CHD9: variants seen among roughly 807,000 people sequenced by gnomAD.
The protein encoded by CHD9 is ATP-dependent chromatin remodeler CHD9.
In CHD9, 77 loss-of-function variants were observed where a neutral mutation model predicts 316.1. The ratio of observed to expected loss-of-function variants is 0.24; its 90% CI spans 0.20 to 0.29. The LOEUF is 0.29. Among genes scored for constraint, CHD9 ranks in the 10% least tolerant of loss-of-function variants. CHD9 has a pLI of 1.00. For missense variants in CHD9, 2,763 were observed against 3,438.1 expected, an observed-to-expected ratio of 0.80 and a Z score of 4.91; for synonymous variants, 1,129 against 1,158.3, an observed-to-expected ratio of 0.97 and a Z score of 0.51.
At chr16:53,115,708 A>G (rs964420394) in intron 1 of CHD9, among the ~76,000 whole-genome samples, 9 of 152,208 alleles carry the variant, frequency 5.9e-5, no homozygotes, top group African/African-American at 1.9e-4. Flanking sequence ...CTAGGTGCTG[A>G]GAGTTTTTCG....
chr16:53,091,009 C>T (rs375755701), intron 1 of CHD9, among the ~76,000 whole-genome samples: 3 of 151,670 alleles, frequency 2.0e-5, no homozygotes, highest in Non-Finnish European at 2.9e-5. Flanking sequence ...TCACCCCCCC[C>T]CGACTGACCG....
intron 1 of CHD9, among the ~76,000 whole-genome samples, chr16:53,148,270 G>T (rs2040803523): frequency 1.3e-5 from 2 of 152,136 alleles, no homozygotes; most frequent in Non-Finnish European, 1.5e-5. Context: ...TAGACACAGG[G>T]TCTCACTCTG....
At chr16:53,322,740 G>A (rs1175552339) in intron 38 of CHD9, among the ~76,000 whole-genome samples, 1 of 152,100 alleles carries the variant, frequency 6.6e-6, no homozygotes, top group African/African-American at 2.4e-5. Flanking sequence ...TCTTACAGGT[G>A]TCCAAATGGA....
At chr16:53,107,097 A>C (rs1381579643) in intron 1 of CHD9, among the ~76,000 whole-genome samples, 1 of 152,110 alleles carries the variant, frequency 6.6e-6, no homozygotes, top group African/African-American at 2.4e-5. Flanking sequence ...TTATTGATAA[A>C]ATTTTCAACA....
intron 12 of CHD9, among the ~76,000 whole-genome samples, chr16:53,240,794 A>G (rs1268333308): frequency 6.6e-6 from 1 of 152,184 alleles, no homozygotes; most frequent in Non-Finnish European, 1.5e-5. Context: ...TAAACAGTTT[A>G]CATATATTAT....
At chr16:53,056,319 A>G (rs969413180) in intron 1 of CHD9, among the ~76,000 whole-genome samples, 8 of 152,284 alleles carry the variant, frequency 5.3e-5, no homozygotes, top group African/African-American at 1.9e-4. Flanking sequence ...TATCTGCAAA[A>G]TGGGTGTGAA....
At chr16:53,059,463 A>G (rs1255894508) in intron 1 of CHD9, among the ~76,000 whole-genome samples, 2 of 152,076 alleles carry the variant, frequency 1.3e-5, no homozygotes, top group African/African-American at 2.4e-5. Context: ...AGAAAAATGG[A>G]AAAAAAATTT....
rs907476211 is a variant in CHD9 at position 53,307,863 on chromosome 16, C to T, written c.6963C>T (p.Ala2321=). ...SDPSVPTPPG[A]GVKEEHDQST... ...CCAGTGTACCCACTCCCCCAGGTGC[C>T]GGTGTTAAAGAAGAACATGATCAGT... is the stretch of plus-strand genomic sequence containing the variant. The change falls in exon 33 of 39, where the codon GCC becomes GCT. Residue 2321 remains alanine (A), a synonymous_variant. Coordinates refer to ENST00000447540, the MANE Select transcript of CHD9 (RefSeq NM_001308319.2). The T allele has an allele frequency of 3.7e-6, 6 of 1,613,542 alleles. No individual in the cohort carries two copies. The African/African-American group carries it at 4.0e-5, about 11-fold the overall frequency.
chr16:53,291,007 T>A (rs1396200100), intron 27 of CHD9, among the ~76,000 whole-genome samples: 3 of 152,118 alleles, frequency 2.0e-5, no homozygotes, highest in Non-Finnish European at 4.4e-5. Flanking sequence ...AATACATGAA[T>A]CCTCAGTTTC....
intron 12 of CHD9, among the ~76,000 whole-genome samples, chr16:53,241,408 A>G (rs974289658): frequency 1.3e-5 from 2 of 152,222 alleles, no homozygotes; most frequent in African/African-American, 2.4e-5. Flanking sequence ...TATTTGATTC[A>G]TACACATAAC....
intron 17 of CHD9, among the ~76,000 whole-genome samples, chr16:53,251,460 A>G (rs2050120951): frequency 1.3e-5 from 2 of 152,194 alleles, no homozygotes; most frequent in African/African-American, 4.8e-5. Context: ...AGACTAAGAT[A>G]ATATTTGGCC....
At chr16:53,179,033 A>AG (rs61621920) in intron 2 of CHD9, among the ~76,000 whole-genome samples, 2 of 152,184 alleles carry the variant, frequency 1.3e-5, no homozygotes, top group Non-Finnish European at 2.9e-5. Flanking sequence ...TAAAAAAAAA[A>AG]TTAAAAACGA....
rs189268343 is a variant in CHD9 at position 53,268,854 on chromosome 16, G to A, written c.4717+728G>A. Among the ~76,000 whole-genome samples, 623 of 152,218 alleles carry A rather than the reference G, an allele frequency of 4.1e-3. 4 individuals are homozygous for A. The highest frequency in any genetic ancestry group is 6.9e-3 in the Non-Finnish European group (472 of 68,010). On this transcript the variant is annotated intron_variant, in intron 22 of 38. Coordinates refer to ENST00000447540, the MANE Select transcript of CHD9 (RefSeq NM_001308319.2). ...ATTTTGCTCTGTCCCCCAGGCTAGA[G>A]TACAGTGATGCAAACATGGCTCAAT...
intron 1 of CHD9, among the ~76,000 whole-genome samples, chr16:53,107,242 C>A (rs928831974): frequency 6.6e-6 from 1 of 151,646 alleles, no homozygotes; most frequent in Non-Finnish European, 1.5e-5. Flanking sequence ...GGTGGATCGT[C>A]TGAGGTCAGG....
chr16:53,088,412 G>A (rs1237682859), intron 1 of CHD9, among the ~76,000 whole-genome samples: 1 of 151,574 alleles, frequency 6.6e-6, no homozygotes, highest in Non-Finnish European at 1.5e-5. Flanking sequence ...CGAGTAGCTG[G>A]GACTACAGAT....
intron 3 of CHD9, among the ~76,000 whole-genome samples, chr16:53,217,941 TTTCTTTCTTTCTTTC>T (rs1270486812): frequency 2.9e-5 from 4 of 139,636 alleles, no homozygotes; most frequent in South Asian, 2.4e-4. Context: ...TCTTTCTTTC[TTTCTTTCTTTCTTTC>T]TTTTTTTTTT....
chr16:53,142,600 C>A (rs978126584), intron 1 of CHD9, among the ~76,000 whole-genome samples: 54 of 152,184 alleles, frequency 3.5e-4, no homozygotes, highest in Admixed American at 3.5e-3. Context: ...AGCCACTGTG[C>A]CCAGCTTAGA....
chr16:53,231,841 T>C (rs1341073458), intron 10 of CHD9, 57 bp downstream of exon 10: 2 of 1,371,694 alleles, frequency 1.5e-6, no homozygotes, highest in African/African-American at 1.5e-5. Flanking sequence ...ATGTAAGTTA[T>C]GATATTGCTA....
intron 24 of CHD9, among the ~76,000 whole-genome samples, 180 bp downstream of exon 24, chr16:53,274,482 T>C (rs1264402374): frequency 6.6e-6 from 1 of 152,044 alleles, no homozygotes; most frequent in Admixed American, 6.6e-5. Flanking sequence ...TTTGAGACAG[T>C]TTCACTCTTG....
Sources: allele counts gnomAD v4.1 joint callset (sites outside exome capture counted in the v4.1 genomes callset), GRCh38; gene constraint gnomAD v4.1.1; transcripts MANE v1.5; gene names NCBI Gene and HGNC (gene_info 2026-07-23, HGNC 2026-07-21).